ANK2: variants seen among roughly 807,000 people sequenced by gnomAD.
ANK2 encodes the protein ankyrin 2.
A neutral mutation model predicts 360.5 loss-of-function variants in ANK2; 83 were observed. That is an observed-to-expected ratio of 0.23 (90% confidence interval 0.19 to 0.28). ANK2 has a LOEUF of 0.28. Ranked by LOEUF, ANK2 falls within the 10% of genes least tolerant of loss-of-function variation. The pLI, the probability that ANK2 is intolerant of heterozygous loss-of-function variation, is 1.00. For missense variants in ANK2, 4,201 were observed against 4,795.7 expected (o/e 0.88, Z 3.66); for synonymous variants, 1,740 against 1,759.5 (o/e 0.99, Z 0.28).
intron 2 of ANK2, among the ~76,000 whole-genome samples, chr4:112,935,047 C>T (rs766823208): frequency 4.6e-5 from 7 of 151,776 alleles, no homozygotes; most frequent in Non-Finnish European, 1.0e-4. Context: ...TTGGTTGTTC[C>T]AGGAGCACCA....
intron 2 of ANK2, among the ~76,000 whole-genome samples, chr4:113,030,101 C>A (rs2060082752): frequency 6.6e-6 from 1 of 151,794 alleles, no homozygotes. Flanking sequence ...GAAAGGGCAA[C>A]AAAATAGGAG....
chr4:113,315,384 C>G (rs1411917201), intron 24 of ANK2, among the ~76,000 whole-genome samples: 5 of 152,160 alleles, frequency 3.3e-5, no homozygotes, highest in Non-Finnish European at 7.3e-5. Context: ...AATCTGGCAG[C>G]CACGTCACAA....
chr4:113,080,456 A>G (rs1157458557), intron 1 of ANK2, among the ~76,000 whole-genome samples: 1 of 152,270 alleles, frequency 6.6e-6, no homozygotes, highest in East Asian at 1.9e-4. Flanking sequence ...ATTCTTTATC[A>G]CTAGAAGGTT....
rs1051078757 is a variant in ANK2, at chr4:113,383,376, C to T, written c.*1905C>T. The T allele has an allele frequency of 4.6e-5, 7 of 152,584 alleles. No homozygotes were observed. The highest frequency in any genetic ancestry group is 1.2e-4 in the African/African-American group (5 of 41,518). The allele number at this position is 152,584 out of a possible 1,614,324, so 9.5% of individuals were successfully genotyped here. ...CTTTGGCAGCCAAAATAAGAGAGGC[C>T]GATGGTGAAACTTTTTGAGACACCC... On this transcript the variant is annotated 3_prime_UTR_variant, in exon 46 of 46. Transcript: ENST00000357077.
At chr4:112,829,489 T>TAGAAAAAAAAAAAAAAAAAAAAAAA (rs2059192165) in intron 1 of ANK2, among the ~76,000 whole-genome samples, 1 of 16,418 alleles carries the variant, frequency 6.1e-5, no homozygotes. Flanking sequence ...AGCCCATCTC[T>TAGAAAAAAAAAAAAAAAAAAAAAAA]ACAAAAAAAA....
Position 113,356,863 on chromosome 4 carries a change from G to T in ANK2, c.8245G>T (p.Ala2749Ser), listed in dbSNP as rs1037352532. The change falls in exon 38 of 46, where the codon GCT becomes TCT. Residue 2749 changes from alanine to serine, a missense_variant. Physicochemically the swap from Ala to Ser is moderately conservative, Grantham distance 99. Transcript: ENST00000357077. ...ATCCCATTTAGCTGAAGACCGTCAT[G>T]CTGTTTCCACTGAGGCTGAAGACAG... is the stretch of plus-strand genomic sequence containing the variant. ...SESHLAEDRH[A>S]VSTEAEDRSY... is the part of the protein sequence containing the mutation. The T allele has an allele frequency of 4.3e-6, 7 of 1,613,950 alleles. No individual in the cohort carries two copies. In the African/African-American group the frequency reaches 9.3e-5, roughly 22 times the overall value.
intron 45 of ANK2, among the ~76,000 whole-genome samples, chr4:113,380,860 T>C (rs534347745): frequency 6.6e-6 from 1 of 152,316 alleles, no homozygotes; most frequent in African/African-American, 2.4e-5. Flanking sequence ...TATGAAGCCT[T>C]AGAGACCTGG....
chr4:112,810,803 G>C, the ANK2 span, among the ~76,000 whole-genome samples: 2 of 152,018 alleles, frequency 1.3e-5, no homozygotes, highest in Non-Finnish European at 2.9e-5. Context: ...CCACCCCCTC[G>C]GCTTCCCAAA....
chr4:112,988,649 C>G (rs1029935960), intron 2 of ANK2, among the ~76,000 whole-genome samples: 4 of 152,220 alleles, frequency 2.6e-5, no homozygotes, highest in Non-Finnish European at 5.9e-5. Context: ...TATCTTAGCA[C>G]TTCTTTCTGT....
Position 113,369,389 on chromosome 4 carries a change from CA to C in ANK2, c.11319-120del, listed in dbSNP as rs1321456519. 6 of 1,030,792 alleles carry C rather than the reference CA, an allele frequency of 5.8e-6. No homozygotes were observed. In the Admixed American group the frequency reaches 1.1e-4, roughly 18 times the overall value. The allele number at this position is 1,030,792 out of a possible 1,614,324, so 63.9% of individuals were successfully genotyped here. On this transcript the variant is annotated intron_variant, in intron 42 of 45. Coordinates refer to ENST00000357077, the MANE Select transcript of ANK2 (RefSeq NM_001148.6). Reference sequence around the variant, plus strand: ...AAATGTCCTTTCTTGGCCAAATGTACAAAAACTATTTTGACTGTCATAGACT... The same window carrying C: ...AAATGTCCTTTCTTGGCCAAATGTACAAAACTATTTTGACTGTCATAGACT...
intron 2 of ANK2, among the ~76,000 whole-genome samples, chr4:113,190,306 C>G (rs887984777): frequency 6.6e-6 from 1 of 151,962 alleles, no homozygotes; most frequent in Non-Finnish European, 1.5e-5. Flanking sequence ...AGACAGGGCT[C>G]TCTATGTTGC....
the ANK2 span, among the ~76,000 whole-genome samples, chr4:112,713,859 G>A: frequency 3.3e-5 from 5 of 150,814 alleles, no homozygotes; most frequent in South Asian, 2.1e-4. Context: ...GCGTGAACCC[G>A]GGAGGCGGAG....
intron 1 of ANK2, among the ~76,000 whole-genome samples, chr4:112,832,047 C>T (rs745383546): frequency 9.2e-5 from 14 of 152,122 alleles, no homozygotes; most frequent in Non-Finnish European, 1.8e-4. Context: ...GTCAGCGAGA[C>T]CAAGAACCCA....
intron 1 of ANK2, among the ~76,000 whole-genome samples, chr4:113,133,601 A>G (rs1032572297): frequency 6.6e-6 from 1 of 152,292 alleles, no homozygotes; most frequent in Non-Finnish European, 1.5e-5. Context: ...ATTTTAGGGC[A>G]GATAATAAAC....
chr4:113,001,646 G>A (rs1258704197), intron 2 of ANK2, among the ~76,000 whole-genome samples: 10 of 151,962 alleles, frequency 6.6e-5, no homozygotes, highest in Non-Finnish European at 1.2e-4. Flanking sequence ...TGGATTCTGG[G>A]AGCCCACCAA....
At chr4:113,376,435 C>G (rs1249136618) in intron 45 of ANK2, among the ~76,000 whole-genome samples, 1 of 152,180 alleles carries the variant, frequency 6.6e-6, no homozygotes, top group Non-Finnish European at 1.5e-5. Context: ...GCTTGCAGGA[C>G]TGGAGGTTGC....
At chr4:113,078,890 A>G (rs913756630) in intron 1 of ANK2, among the ~76,000 whole-genome samples, 1 of 152,194 alleles carries the variant, frequency 6.6e-6, no homozygotes, top group South Asian at 2.1e-4. Context: ...TTCTTCTTAA[A>G]CTCATATTTT....
chr4:113,085,899 A>G lies in ANK2; in HGVS notation c.84+36087A>G, dbSNP rs1472307945. ...TTGTAAAAGGAATAGATTCTTCTGG[A>G]ACAGTTCATTAAAAGCTCTGCATGT... is the stretch of plus-strand genomic sequence containing the variant. On this transcript the variant is annotated intron_variant, in intron 1 of 45. Coordinates refer to ENST00000357077, the MANE Select transcript of ANK2 (RefSeq NM_001148.6). 2.6e-5 allele frequency among the ~76,000 whole-genome samples: 4 copies of G among 152,206 alleles called. No homozygotes were observed. The East Asian group carries it at 7.7e-4, about 29-fold the overall frequency.
intron 4 of ANK2, among the ~76,000 whole-genome samples, chr4:113,212,252 A>G (rs562230961): frequency 3.3e-5 from 5 of 152,276 alleles, no homozygotes; most frequent in South Asian, 4.1e-4. Context: ...AAGTTTTCAT[A>G]TTTGGTGCAA....
Sources: gnomAD v4.1 joint callset for allele counts (sites outside exome capture counted in the v4.1 genomes callset) on GRCh38, gnomAD v4.1.1 for gene constraint, MANE v1.5 for transcripts, NCBI Gene and HGNC (gene_info 2026-07-23, HGNC 2026-07-21) for gene names.